The following TEX9 variants were observed in gnomAD, a reference collection of about 807,000 sequenced individuals.
The protein encoded by TEX9 is testis-expressed protein 9.
TEX9 carries 74 observed loss-of-function variants against 59.6 expected under a neutral mutation model. That is an observed-to-expected ratio of 1.24 (90% confidence interval 1.03 to 1.51). TEX9 has a LOEUF of 1.51. Ranked by LOEUF, TEX9 falls within the 40% of genes most tolerant of loss-of-function variation. The probability of loss-of-function intolerance (pLI) is 0.00; values close to 1 mark genes in which losing one functional copy is unlikely to be tolerated. For missense variants in TEX9, 522 were observed against 447.8 expected (o/e 1.17, Z -1.49); for synonymous variants, 186 against 152.2 (o/e 1.22, Z -1.64).
downstream of TEX9, among the ~76,000 whole-genome samples, chr15:56,448,751 C>CTTT (rs34366643): frequency 5.9e-5 from 7 of 117,672 alleles, no homozygotes; most frequent in African/African-American, 1.6e-4. Flanking sequence ...TTTTTAGATT[C>CTTT]TTTTTTTTTT....
chr15:56,426,265 TC>T (rs1208229673), intron 10 of TEX9, among the ~76,000 whole-genome samples: 14 of 151,968 alleles, frequency 9.2e-5, no homozygotes, highest in Non-Finnish European at 1.6e-4. Context: ...CTCTTTTCCC[TC>T]CATTCCAAGG....
At chr15:56,447,625 A>G (rs1567152382), downstream of TEX9, 1 of 152,216 alleles carries the variant, frequency 6.6e-6, no homozygotes, top group East Asian at 1.9e-4. Context: ...ACCCAACAAT[A>G]TCACTGAATA....
chr15:56,365,187 T>G (rs1326687003), upstream of TEX9, among the ~76,000 whole-genome samples: 1 of 152,188 alleles, frequency 6.6e-6, no homozygotes, highest in Non-Finnish European at 1.5e-5. Context: ...CCTGCCTGTT[T>G]TGGCTGAAAC....
At chr15:56,289,336 G>A (rs1241705007) in intron 1 of TEX9, among the ~76,000 whole-genome samples, 2 of 152,006 alleles carry the variant, frequency 1.3e-5, no homozygotes, top group Non-Finnish European at 2.9e-5. Context: ...TTCACTTGGT[G>A]GAGCAGTTGC....
chr15:56,281,291 G>T (rs1293119188), intron 1 of TEX9, among the ~76,000 whole-genome samples: 1 of 152,202 alleles, frequency 6.6e-6, no homozygotes, highest in Non-Finnish European at 1.5e-5. Flanking sequence ...TAAGTCAGGG[G>T]TCCCTAACCC....
At chr15:56,287,652 G>C (rs779725404) in intron 1 of TEX9, among the ~76,000 whole-genome samples, 9 of 151,834 alleles carry the variant, frequency 5.9e-5, no homozygotes, top group Non-Finnish European at 1.2e-4. Flanking sequence ...GAAATTTTTT[G>C]TCTTTTGACC....
intron 1 of TEX9, among the ~76,000 whole-genome samples, chr15:56,354,598 G>C (rs188442624): frequency 6.6e-6 from 1 of 152,130 alleles, no homozygotes; most frequent in Non-Finnish European, 1.5e-5. Context: ...TTTAAACCTT[G>C]TTCCCTTCTA....
intron 1 of TEX9, among the ~76,000 whole-genome samples, chr15:56,325,757 A>T (rs1018942528): frequency 6.6e-5 from 10 of 152,234 alleles, no homozygotes; most frequent in Non-Finnish European, 1.5e-5. Flanking sequence ...CTGAGTATAT[A>T]AAACAATCCC....
At chr15:56,339,408 A>AAAAAAC in intron 1 of TEX9, among the ~76,000 whole-genome samples, 1 of 147,492 alleles carries the variant, frequency 6.8e-6, no homozygotes, top group Non-Finnish European at 1.5e-5. Flanking sequence ...AAAAAAAAAA[A>AAAAAAC]AAAAAACAGG....
chr15:56,269,807 C>G (rs1447667603), intron 1 of TEX9, among the ~76,000 whole-genome samples: 1 of 151,976 alleles, frequency 6.6e-6, no homozygotes, highest in Non-Finnish European at 1.5e-5. Context: ...GCGTGCACCA[C>G]CTACACCTGG....
chr15:56,450,453 C>A (rs185262674), downstream of TEX9, among the ~76,000 whole-genome samples: 61 of 152,226 alleles, frequency 4.0e-4, no homozygotes, highest in African/African-American at 1.4e-3. Context: ...AATTCCTAAT[C>A]TGCATTTTGT....
the TEX9 span, chr15:56,456,556 TAGAATC>T: frequency 6.3e-7 from 1 of 1,591,020 alleles, no homozygotes; most frequent in Non-Finnish European, 8.5e-7. Context: ...GTTTGTCCTC[TAGAATC>T]AGATTTTTTT....
At chr15:56,370,238 C>G (rs1219564306) in intron 2 of TEX9, among the ~76,000 whole-genome samples, 6 of 152,050 alleles carry the variant, frequency 3.9e-5, no homozygotes, top group Non-Finnish European at 5.9e-5. Flanking sequence ...CGTTAGAATG[C>G]TTTAACTTGG....
downstream of TEX9, among the ~76,000 whole-genome samples, chr15:56,449,050 C>T (rs562067995): frequency 5.3e-5 from 8 of 152,176 alleles, no homozygotes; most frequent in East Asian, 5.8e-4. Flanking sequence ...CCACCACACC[C>T]GGCTATTTGT....
intron 12 of TEX9, among the ~76,000 whole-genome samples, chr15:56,435,650 A>T (rs1399250538): frequency 1.3e-5 from 2 of 152,172 alleles, no homozygotes; most frequent in African/African-American, 4.8e-5. Context: ...GAATAGTCCT[A>T]TCACTATTAA....
chr15:56,406,011 TCA>T lies in TEX9; in HGVS notation c.829-6288_829-6287del, dbSNP rs201264365. On this transcript the variant is annotated intron_variant, in intron 9 of 12. Coordinates refer to ENST00000352903, the Ensembl canonical transcript of TEX9. ...TTTTAGCTTATAATTCAATAAGTTTTCACAAATTAATATTCCCTCATAACTAC... is the reference window on the plus strand; with the variant it reads ...TTTTAGCTTATAATTCAATAAGTTTTCAAATTAATATTCCCTCATAACTAC... 2.5e-3 allele frequency among the ~76,000 whole-genome samples: 381 copies of T among 152,296 alleles called. 1 individual carries two copies. The highest frequency in any genetic ancestry group is 0.01 in the Middle Eastern group (3 of 294).
At chr15:56,408,007 C>T (rs562068036) in intron 9 of TEX9, among the ~76,000 whole-genome samples, 1 of 152,318 alleles carries the variant, frequency 6.6e-6, no homozygotes, top group African/African-American at 2.4e-5. Flanking sequence ...ATCAAATTTA[C>T]TCTTATCAGA....
chr15:56,433,619 G>A (rs561871362), intron 12 of TEX9, among the ~76,000 whole-genome samples: 1 of 152,046 alleles, frequency 6.6e-6, no homozygotes, highest in East Asian at 1.9e-4. Flanking sequence ...CTTACTTACT[G>A]ATCTCCCTAT....
At chr15:56,372,885 G>A (rs188434378) in intron 2 of TEX9, among the ~76,000 whole-genome samples, 3 of 152,124 alleles carry the variant, frequency 2.0e-5, no homozygotes, top group Non-Finnish European at 2.9e-5. Context: ...GGAGTGACAG[G>A]TAGAGGTCAA....
Sources: gnomAD v4.1 joint callset for allele counts (sites outside exome capture counted in the v4.1 genomes callset) on GRCh38, gnomAD v4.1.1 for gene constraint, MANE v1.5 for transcripts, NCBI Gene and HGNC (gene_info 2026-07-23, HGNC 2026-07-21) for gene names.